The following SPIDR variants were observed in gnomAD, a reference collection of about 807,000 sequenced individuals.
SPIDR encodes scaffold protein involved in DNA repair, also known as DNA repair-scaffolding protein.
SPIDR carries 93 observed loss-of-function variants against 104.6 expected under a neutral mutation model. That is an observed-to-expected ratio of 0.89 (90% CI 0.75 to 1.06). SPIDR has a LOEUF of 1.06. SPIDR is among the 50% of genes least tolerant of loss of function. The pLI is 0.00. For synonymous variants in SPIDR, 431 were observed against 416.9 expected (o/e 1.03, Z -0.41); for missense variants, 1,154 against 1,111.2 (o/e 1.04, Z -0.55).
chr8:47,386,879 A>G (rs1360258368), intron 5 of SPIDR, among the ~76,000 whole-genome samples: 1 of 81,222 alleles, frequency 1.2e-5, no homozygotes. Context: ...GGACGAGGGG[A>G]GAGAGAGAGA....
chr8:47,359,134 T>C (rs2055187164), intron 5 of SPIDR, among the ~76,000 whole-genome samples: 1 of 151,590 alleles, frequency 6.6e-6, no homozygotes, highest in South Asian at 2.1e-4. Flanking sequence ...TAGTCCCAGC[T>C]ACTCGGGAGG....
intron 8 of SPIDR, among the ~76,000 whole-genome samples, chr8:47,449,462 A>G (rs532573967): frequency 6.6e-6 from 1 of 152,198 alleles, no homozygotes; most frequent in Admixed American, 6.5e-5. Flanking sequence ...CCATGGGCCT[A>G]TTCACAACTG....
chr8:47,437,357 T>C (rs1554692929), intron 7 of SPIDR, among the ~76,000 whole-genome samples: 1 of 151,788 alleles, frequency 6.6e-6, no homozygotes, highest in East Asian at 1.9e-4. Context: ...GGTTTTTTGT[T>C]CTTGCGATAG....
intron 10 of SPIDR, among the ~76,000 whole-genome samples, chr8:47,656,304 C>T (rs756030284): frequency 1.3e-5 from 2 of 152,122 alleles, no homozygotes; most frequent in Non-Finnish European, 2.9e-5. Context: ...ATGTAAAGAA[C>T]ACTTACTACT....
chr8:47,643,730 A>G (rs778374849), intron 10 of SPIDR, among the ~76,000 whole-genome samples: 2 of 152,232 alleles, frequency 1.3e-5, no homozygotes, highest in African/African-American at 4.8e-5. Flanking sequence ...TGTATATTAT[A>G]TACACAAAAA....
In SPIDR at chr8:47,702,032, A is replaced by T. The variant is rs758518251; in HGVS notation, c.1977+17A>T. The T allele has an allele frequency of 2.0e-6, 3 of 1,466,266 alleles. No individual in the cohort carries two copies. Among genetic ancestry groups the T allele is most frequent in the East Asian group, 5.1e-5 (2 of 38,942 alleles). The allele number at this position is 1,466,266 out of a possible 1,614,324, so 90.8% of individuals were successfully genotyped here. A position where few individuals can be genotyped will look rare whatever the true frequency, so the allele number is the denominator to read the frequency against. ...AAACCACAGGTAATAATCTCTCTCA[A>T]TCTCTCAATCTCTCAGCCTTTCTCT... On this transcript the variant is annotated intron_variant, in intron 14 of 19. Coordinates refer to ENST00000297423, the MANE Select transcript of SPIDR (RefSeq NM_001080394.4).
At chr8:47,353,140 G>A (rs1307202113) in intron 5 of SPIDR, among the ~76,000 whole-genome samples, 4 of 149,270 alleles carry the variant, frequency 2.7e-5, no homozygotes, top group Non-Finnish European at 4.5e-5. Flanking sequence ...TATTCAAAAA[G>A]TTAAGTTCTA....
intron 8 of SPIDR, among the ~76,000 whole-genome samples, chr8:47,483,138 G>GTTTGT (rs150219948): frequency 0.074 from 11,217 of 150,980 alleles, 497 homozygotes; most frequent in Middle Eastern, 0.14. Flanking sequence ...GTTTTTTTTT[G>GTTTGT]TTTGTTTTGT....
intron 11 of SPIDR, among the ~76,000 whole-genome samples, chr8:47,678,613 G>C (rs2076727509): frequency 6.6e-6 from 1 of 152,166 alleles, no homozygotes; most frequent in African/African-American, 2.4e-5. Context: ...GGTGCAGAGG[G>C]TGGGGTAAGA....
chr8:47,600,067 C>T (rs897265055), intron 10 of SPIDR, among the ~76,000 whole-genome samples: 2 of 152,120 alleles, frequency 1.3e-5, no homozygotes, highest in African/African-American at 2.4e-5. Flanking sequence ...CTGGCATAGC[C>T]TTTTGAAGTT....
chr8:47,637,023 T>C (rs1394792760), intron 10 of SPIDR, among the ~76,000 whole-genome samples: 1 of 152,168 alleles, frequency 6.6e-6, no homozygotes, highest in Non-Finnish European at 1.5e-5. Context: ...ACTCAAATAG[T>C]ATGTCCAACA....
chr8:47,543,061 A>T (rs1286304268), intron 8 of SPIDR, among the ~76,000 whole-genome samples: 1 of 152,178 alleles, frequency 6.6e-6, no homozygotes, highest in Non-Finnish European at 1.5e-5. Context: ...GCATGGGGGT[A>T]TATCAGTTTG....
rs1427230520 is a variant in SPIDR, at chr8:47,396,557, A to G, written c.707A>G (p.His236Arg). The G allele has an allele frequency of 2.5e-6, 4 of 1,614,054 alleles. No homozygotes were observed. The African/African-American group carries it at 4.0e-5, about 16-fold the overall frequency. Reference protein sequence around the residue: ...PRTKSTETILHTPQKPTAKFP... With the variant: ...PRTKSTETILRTPQKPTAKFP... ...ACAAAATCAACAGAGACCATTTTGC[A>G]TACACCTCAGAAACCCACAGCTAAG... The change falls in exon 6 of 20, where the codon CAT becomes CGT. Residue 236 changes from histidine to arginine, a missense_variant. By Grantham distance (29) the His-to-Arg change is conservative. Transcript: ENST00000297423.
intron 10 of SPIDR, among the ~76,000 whole-genome samples, chr8:47,659,169 A>G (rs2073565707): frequency 1.3e-5 from 2 of 151,998 alleles, no homozygotes; most frequent in South Asian, 4.1e-4. Flanking sequence ...CTGAGGTGGG[A>G]GGACCAGTTG....
At chr8:47,684,336 A>G (rs1470415908) in intron 11 of SPIDR, among the ~76,000 whole-genome samples, 1 of 152,126 alleles carries the variant, frequency 6.6e-6, no homozygotes, top group African/African-American at 2.4e-5. Context: ...TTTGACTGTG[A>G]GGGCCAAGCT....
At chr8:47,572,646 A>T (rs997223409) in intron 8 of SPIDR, among the ~76,000 whole-genome samples, 2 of 151,050 alleles carry the variant, frequency 1.3e-5, no homozygotes, top group Non-Finnish European at 3.0e-5. Flanking sequence ...CTGGCGACAG[A>T]GCAAGACTCC....
intron 10 of SPIDR, among the ~76,000 whole-genome samples, chr8:47,636,377 A>G (rs1291296229): frequency 6.6e-6 from 1 of 152,170 alleles, no homozygotes; most frequent in Non-Finnish European, 1.5e-5. Flanking sequence ...GAAATTAGAG[A>G]AGTCAGTAAG....
intron 8 of SPIDR, among the ~76,000 whole-genome samples, chr8:47,501,111 G>T (rs923740247): frequency 6.6e-6 from 1 of 152,222 alleles, no homozygotes; most frequent in Admixed American, 6.5e-5. Context: ...GCTTAGGATT[G>T]ACTTGGGGAT....
At chr8:47,652,555 A>G (rs919104534) in intron 10 of SPIDR, among the ~76,000 whole-genome samples, 5 of 152,254 alleles carry the variant, frequency 3.3e-5, no homozygotes, top group African/African-American at 7.2e-5. Flanking sequence ...CTGCTGTCTT[A>G]AGTACAGTAA....
Sources: allele counts gnomAD v4.1 joint callset (sites outside exome capture counted in the v4.1 genomes callset), GRCh38; gene constraint gnomAD v4.1.1; transcripts MANE v1.5; gene names NCBI Gene and HGNC (gene_info 2026-07-23, HGNC 2026-07-21).